Variants in PDZRN3 observed in about 807,000 individuals in gnomAD.
PDZRN3 encodes PDZ domain containing ring finger 3, also known as E3 ubiquitin-protein ligase PDZRN3.
PDZRN3 carries 38 observed loss-of-function variants against 85.7 expected under a neutral mutation model. That is an observed-to-expected ratio of 0.44 (90% CI 0.34 to 0.58). The LOEUF (loss-of-function observed/expected upper bound fraction) is 0.58. PDZRN3 is among the 20% of genes least tolerant of loss of function. The pLI, the probability that PDZRN3 is intolerant of heterozygous loss-of-function variation, is 0.01. For missense variants in PDZRN3, 1,629 were observed against 1,506.4 expected, an observed-to-expected ratio of 1.08 and a Z score of -1.35; for synonymous variants, 759 against 638.0, an observed-to-expected ratio of 1.19 and a Z score of -2.86.
chr3:73,469,077 C>T (rs76399077), intron 3 of PDZRN3, among the ~76,000 whole-genome samples: 3 of 144,168 alleles, frequency 2.1e-5, no homozygotes, highest in African/African-American at 7.6e-5. Context: ...AAAGATTCAT[C>T]TTTTTTTTTT....
intron 3 of PDZRN3, among the ~76,000 whole-genome samples, chr3:73,532,158 G>A (rs1021604521): frequency 3.3e-5 from 5 of 151,822 alleles, no homozygotes; most frequent in South Asian, 2.1e-4. Flanking sequence ...CCACCACCAC[G>A]CCCATCTGAT....
chr3:73,383,688 CGGT>C lies in PDZRN3; in HGVS notation c.2875_2877del (p.Thr959del). The stretch of plus-strand genomic sequence containing the variant: ...TTCATCTCGCTCACCGCGTCGTCGT[CGGT>C]GGTCATGCCGCTGCGCTCTTCCCGG... On this transcript the variant is annotated inframe_deletion, in exon 10 of 10. Coordinates refer to ENST00000263666, the MANE Select transcript of PDZRN3 (RefSeq NM_015009.3). The C allele has an allele frequency of 6.2e-7, 1 of 1,611,860 alleles. No individual in the cohort carries two copies. The highest frequency in any genetic ancestry group is 8.5e-7 in the Non-Finnish European group (1 of 1,180,020).
At position 73,450,864 on chromosome 3, in the gene PDZRN3, A is replaced by G. The variant is rs370532322; in HGVS notation, c.919-46469T>C. 6.3e-4 allele frequency among the ~76,000 whole-genome samples: 96 copies of G among 152,248 alleles called. 1 individual carries two copies. In the South Asian group the frequency reaches 0.019, roughly 30 times the overall value. On this transcript the variant is annotated intron_variant, in intron 3 of 9. Transcript: ENST00000263666. The stretch of plus-strand genomic sequence containing the variant: ...CCCTCTGGATGAGACCTGCAGAATC[A>G]ACAATCAAAAAAGTTCTTCCGCTGA...
intron 3 of PDZRN3, among the ~76,000 whole-genome samples, chr3:73,508,423 G>A (rs571779951): frequency 4.6e-4 from 70 of 152,320 alleles, no homozygotes; most frequent in African/African-American, 1.4e-3. Context: ...AAAGTCAACC[G>A]AAGTTTCTCC....
chr3:73,403,888 C>T (rs1007720485), intron 4 of PDZRN3, among the ~76,000 whole-genome samples: 1 of 152,166 alleles, frequency 6.6e-6, no homozygotes, highest in Non-Finnish European at 1.5e-5. Flanking sequence ...TCTGAAACAA[C>T]TTTTACAACA....
chr3:73,466,883 C>G lies in PDZRN3; in HGVS notation c.919-62488G>C, dbSNP rs1703229016. ...TGCAAATTTTCCAGAAAAAGCAGAG[C>G]AAGGATTTGTGTTCTCTTTCCACTT... On this transcript the variant is annotated intron_variant, in intron 3 of 9. Coordinates refer to ENST00000263666, the MANE Select transcript of PDZRN3 (RefSeq NM_015009.3). 2.0e-5 allele frequency among the ~76,000 whole-genome samples: 3 copies of G among 152,142 alleles called. 1 individual carries two copies. In the South Asian group the frequency reaches 6.2e-4, roughly 32 times the overall value.
At chr3:73,503,363 G>A (rs535527259) in intron 3 of PDZRN3, among the ~76,000 whole-genome samples, 47 of 152,186 alleles carry the variant, frequency 3.1e-4, no homozygotes, top group Non-Finnish European at 5.3e-4. Flanking sequence ...TGATGAGTGC[G>A]TTAAACATCT....
intron 3 of PDZRN3, among the ~76,000 whole-genome samples, chr3:73,425,691 C>T (rs187031956): frequency 2.5e-3 from 378 of 151,890 alleles, no homozygotes; most frequent in South Asian, 8.2e-3. Context: ...GTGGGTATTA[C>T]GCAGACAGAC....
At chr3:73,448,476 A>T (rs1323112459) in intron 3 of PDZRN3, among the ~76,000 whole-genome samples, 2 of 152,338 alleles carry the variant, frequency 1.3e-5, no homozygotes, top group East Asian at 3.9e-4. Flanking sequence ...TAAACTTTAG[A>T]TGTGCCACAG....
chr3:73,585,063 G>T (rs1474236624), intron 3 of PDZRN3, among the ~76,000 whole-genome samples: 2 of 152,086 alleles, frequency 1.3e-5, no homozygotes, highest in African/African-American at 4.8e-5. Context: ...CTTTAAATTG[G>T]CTGGCATATA....
At chr3:73,496,050 A>G (rs1281436300) in intron 3 of PDZRN3, among the ~76,000 whole-genome samples, 2 of 152,096 alleles carry the variant, frequency 1.3e-5, no homozygotes, top group Non-Finnish European at 2.9e-5. Context: ...ATCAAAGTAC[A>G]GCCTGAAAGA....
intron 3 of PDZRN3, among the ~76,000 whole-genome samples, chr3:73,418,220 G>C (rs2106768060): frequency 6.6e-6 from 1 of 152,266 alleles, no homozygotes; most frequent in African/African-American, 2.4e-5. Context: ...AATAAGAATG[G>C]TGGGTTAATA....
chr3:73,544,802 G>A (rs1701384693), intron 3 of PDZRN3, among the ~76,000 whole-genome samples: 1 of 151,848 alleles, frequency 6.6e-6, no homozygotes, highest in African/African-American at 2.4e-5. Context: ...TGGAGTTACT[G>A]TTAATCACAG....
At chr3:73,388,230 G>A (rs912560143) in intron 7 of PDZRN3, 161 bp from the exon 8 acceptor site, 1 of 532,808 alleles carries the variant, frequency 1.9e-6, no homozygotes, top group Non-Finnish European at 3.3e-6. Flanking sequence ...TGTTAGGAAG[G>A]AAAGGTCTTG....
intron 3 of PDZRN3, among the ~76,000 whole-genome samples, chr3:73,411,426 G>C (rs1351736068): frequency 6.6e-6 from 1 of 152,230 alleles, no homozygotes; most frequent in Non-Finnish European, 1.5e-5. Flanking sequence ...CTTCTCTGTA[G>C]TACCCCTGCT....
chr3:73,472,150 T>C (rs1253987471), intron 3 of PDZRN3, among the ~76,000 whole-genome samples: 1 of 152,224 alleles, frequency 6.6e-6, no homozygotes, highest in Non-Finnish European at 1.5e-5. Context: ...CTCTCTTTGG[T>C]GAGCGAGGCC....
rs1701316779 is a variant in PDZRN3, at chr3:73,384,620, A to G, written c.1946T>C (p.Leu649Pro). Reference protein sequence around the residue: ...PVDECERFRELLELKCQVKSA... With the variant: ...PVDECERFREPLELKCQVKSA... ...CTTCACCTGGCACTTGAGCTCCAGG[A>G]GCTCGCGGAAGCGCTCGCACTCGTC... is the stretch of plus-strand genomic sequence containing the variant. The change falls in exon 10 of 10, where the codon CTC (leucine) becomes CCC (proline). Residue 649 changes from leucine to proline, a missense_variant. Coordinates refer to ENST00000263666, the MANE Select transcript of PDZRN3 (RefSeq NM_015009.3). 1 of 1,613,778 alleles carries G rather than the reference A, an allele frequency of 6.2e-7. No homozygotes were observed. Among genetic ancestry groups the G allele is most frequent in the Non-Finnish European group, 8.5e-7 (1 of 1,180,024 alleles).
In PDZRN3 at chr3:73,385,743, C is replaced by T. The variant is rs1701365517; in HGVS notation, c.1561G>A (p.Asp521Asn). Residue 521 changes from aspartate to asparagine, a missense_variant, in exon 9 of 10, where the codon GAT becomes AAT. Physicochemically the swap from Asp to Asn is conservative, Grantham distance 23. Transcript: ENST00000263666. ...WMDDDRNDFL[D>N]DLHMDMLEEQ... ...TCCAGCATGTCCATGTGCAGGTCAT[C>T]CAGAAAGTCGTTCCTGTCATCATCC... 3 of 1,613,832 alleles carry T rather than the reference C, an allele frequency of 1.9e-6. No individual in the cohort carries two copies. The highest frequency in any genetic ancestry group is 1.7e-5 in the Admixed American group (1 of 60,008).
chr3:73,567,674 T>C (rs1013973765), intron 3 of PDZRN3, among the ~76,000 whole-genome samples: 3 of 152,190 alleles, frequency 2.0e-5, no homozygotes, highest in African/African-American at 7.2e-5. Context: ...AAATGTCCTT[T>C]TATAATAATC....
Sources: allele counts gnomAD v4.1 joint callset (sites outside exome capture counted in the v4.1 genomes callset), GRCh38; gene constraint gnomAD v4.1.1; transcripts MANE v1.5; gene names NCBI Gene and HGNC (gene_info 2026-07-23, HGNC 2026-07-21).